Variants in PTPRD observed in about 807,000 individuals in gnomAD.
The protein encoded by PTPRD is receptor-type tyrosine-protein phosphatase delta.
Under a neutral mutation model 214.5 loss-of-function variants are expected in PTPRD, and 34 were observed. The observed-to-expected ratio is 0.16, with a 90% confidence interval of 0.12 to 0.21. The LOEUF (loss-of-function observed/expected upper bound fraction) is 0.21. Ranked by LOEUF, PTPRD falls within the 10% of genes least tolerant of loss-of-function variation. The pLI is 1.00. For synonymous variants in PTPRD, 1,128 were observed against 845.7 expected (o/e 1.33, Z -5.79); for missense variants, 2,545 against 2,398.7 (o/e 1.06, Z -1.27).
intron 3 of PTPRD, among the ~76,000 whole-genome samples, chr9:10,062,844 C>A (rs16930956): frequency 0.039 from 5,989 of 152,024 alleles, 403 homozygotes; most frequent in African/African-American, 0.14. Flanking sequence ...GCCAGCTCAA[C>A]ATACTAATTT....
chr9:9,245,962 C>A lies in PTPRD; in HGVS notation c.-202-62599G>T, dbSNP rs192902822. Among the ~76,000 whole-genome samples the A allele has an allele frequency of 2.0e-3, 308 of 152,112 alleles. 2 individuals are homozygous for A. Among genetic ancestry groups the A allele is most frequent in the Non-Finnish European group, 4.0e-3 (273 of 67,990 alleles). ...GTCCAGTCTGAGATTCCTTATAAAA[C>A]GTTCAAGCAAAGCAAACTTAAAAAG... On this transcript the variant is annotated intron_variant, in intron 9 of 45. Coordinates refer to ENST00000381196, the MANE Select transcript of PTPRD (RefSeq NM_002839.4).
At chr9:8,933,177 C>T (rs926986749) in intron 11 of PTPRD, among the ~76,000 whole-genome samples, 1 of 151,934 alleles carries the variant, frequency 6.6e-6, no homozygotes, top group Non-Finnish European at 1.5e-5. Flanking sequence ...CCTGCTTCTG[C>T]TCGCCCTTCA....
chr9:9,028,341 T>G (rs1229800999), intron 10 of PTPRD, among the ~76,000 whole-genome samples: 1 of 152,016 alleles, frequency 6.6e-6, no homozygotes, highest in African/African-American at 2.4e-5. Flanking sequence ...ACTCCATATA[T>G]AAATTGCAGA....
rs1056392630 is a variant in PTPRD, at chr9:8,600,716, C to G, written c.352+32601G>C. On this transcript the variant is annotated intron_variant, in intron 14 of 45. Coordinates refer to ENST00000381196, the MANE Select transcript of PTPRD (RefSeq NM_002839.4). ...ACCCAGTCCAGGCAGAATCCAGACC[C>G]TACTGACTAAAGAGCCCTTAGTCCC... Among the ~76,000 whole-genome samples, 57 of 151,704 alleles carry G rather than the reference C, an allele frequency of 3.8e-4. 1 individual carries two copies. Among genetic ancestry groups the G allele is most frequent in the Admixed American group, 6.6e-5 (1 of 15,226 alleles).
intron 7 of PTPRD, among the ~76,000 whole-genome samples, chr9:9,661,601 C>T (rs886588872): frequency 1.3e-5 from 2 of 151,718 alleles, no homozygotes; most frequent in African/African-American, 4.8e-5. Flanking sequence ...TTTGTCTTTC[C>T]ATCACTGCAA....
At chr9:9,361,576 A>C (rs147325748) in intron 9 of PTPRD, among the ~76,000 whole-genome samples, 15 of 151,032 alleles carry the variant, frequency 9.9e-5, no homozygotes, top group African/African-American at 3.6e-4. Context: ...ACATGTGATA[A>C]TTTATAAAGA....
chr9:9,728,231 T>C (rs1161659220), intron 7 of PTPRD, among the ~76,000 whole-genome samples: 1 of 152,190 alleles, frequency 6.6e-6, no homozygotes, highest in Non-Finnish European at 1.5e-5. Context: ...TTACCCAGTC[T>C]CTGGTATGTC....
chr9:9,999,795 A>C (rs972482573), intron 4 of PTPRD, among the ~76,000 whole-genome samples: 1 of 152,346 alleles, frequency 6.6e-6, no homozygotes, highest in East Asian at 1.9e-4. Context: ...ACTATCATTA[A>C]GTTTGACGGG....
intron 2 of PTPRD, among the ~76,000 whole-genome samples, chr9:10,476,812 T>C (rs1202449041): frequency 1.3e-5 from 2 of 152,004 alleles, no homozygotes; most frequent in East Asian, 1.9e-4. Flanking sequence ...GGGAACAGAA[T>C]AGAAGTCTCA....
At chr9:8,513,562 T>C (rs544603426) in intron 21 of PTPRD, among the ~76,000 whole-genome samples, 22 of 152,210 alleles carry the variant, frequency 1.4e-4, no homozygotes, top group Admixed American at 1.2e-3. Context: ...AAAATGTACT[T>C]CAATTCCTAC....
At chr9:8,672,824 A>G (rs2097312551) in intron 12 of PTPRD, among the ~76,000 whole-genome samples, 1 of 71,988 alleles carries the variant, frequency 1.4e-5, no homozygotes, top group African/African-American at 5.7e-5. Context: ...ATTTTCCAAC[A>G]TCTTAATTTT....
rs189917193 is a variant in PTPRD at position 8,827,209 on chromosome 9, G to A, written c.-103-93263C>T. On this transcript the variant is annotated intron_variant, in intron 11 of 45. Transcript: ENST00000381196. ...TTAATAGACTAACTAAGCTCACTGA[G>A]GGTAAGGACAACTTCTAATTCATAT... 3.3e-5 allele frequency among the ~76,000 whole-genome samples: 5 copies of A among 152,210 alleles called. No individual in the cohort carries two copies. In the East Asian group the frequency reaches 9.7e-4, roughly 29 times the overall value.
At chr9:9,181,036 A>G (rs758599642) in intron 10 of PTPRD, among the ~76,000 whole-genome samples, 6 of 152,040 alleles carry the variant, frequency 3.9e-5, no homozygotes, top group African/African-American at 7.2e-5. Context: ...AATACCAAAG[A>G]ATTTGAAAGT....
At chr9:9,644,875 C>T (rs2096096388) in intron 7 of PTPRD, among the ~76,000 whole-genome samples, 1 of 152,162 alleles carries the variant, frequency 6.6e-6, no homozygotes, top group African/African-American at 2.4e-5. Context: ...CCCTTTCCAG[C>T]TTCCCATCCC....
chr9:9,420,918 T>C (rs961801643), intron 8 of PTPRD, among the ~76,000 whole-genome samples: 9 of 151,966 alleles, frequency 5.9e-5, no homozygotes, highest in African/African-American at 2.2e-4. Context: ...TTAACAGTGG[T>C]CTTTTTTCTC....
Position 10,125,075 on chromosome 9 carries a change from T to C in PTPRD, c.-544-91285A>G, listed in dbSNP as rs1238637193. ...GTGAAGGTGGTTGTCTGTTAGCCTA[T>C]CTCAAGAAATGTATTTAGGGTCCCA... On this transcript the variant is annotated intron_variant, in intron 3 of 45. Transcript: ENST00000381196. Among the ~76,000 whole-genome samples the C allele has an allele frequency of 2.0e-5, 3 of 152,216 alleles. No homozygotes were observed. The East Asian group carries it at 5.8e-4, about 29-fold the overall frequency.
At chr9:8,669,262 T>C (rs1278144374) in intron 12 of PTPRD, among the ~76,000 whole-genome samples, 1 of 152,084 alleles carries the variant, frequency 6.6e-6, no homozygotes, top group Non-Finnish European at 1.5e-5. Flanking sequence ...CTCAGGAATA[T>C]GGCATCTTAT....
chr9:9,399,742 C>G (rs1017087945), intron 8 of PTPRD, among the ~76,000 whole-genome samples: 1 of 152,002 alleles, frequency 6.6e-6, no homozygotes, highest in Non-Finnish European at 1.5e-5. Context: ...CGCTCCTTTG[C>G]TTGCTACCAT....
In PTPRD at chr9:9,281,009, A is replaced by G. The variant is rs542574059; in HGVS notation, c.-202-97646T>C. Among the ~76,000 whole-genome samples the G allele has an allele frequency of 2.3e-4, 35 of 151,416 alleles. 1 individual carries two copies. The highest frequency in any genetic ancestry group is 3.4e-3 in the Middle Eastern group (1 of 294). Reference sequence around the variant, plus strand: ...AATTTTTGACAAAAAATCAAAGGCAATACAATAGAGAAAAAATAGTCTTAG... The same window carrying G: ...AATTTTTGACAAAAAATCAAAGGCAGTACAATAGAGAAAAAATAGTCTTAG... On this transcript the variant is annotated intron_variant, in intron 9 of 45. Coordinates refer to ENST00000381196, the MANE Select transcript of PTPRD (RefSeq NM_002839.4).
Sources: gnomAD v4.1 joint callset for allele counts (sites outside exome capture counted in the v4.1 genomes callset) on GRCh38, gnomAD v4.1.1 for gene constraint, MANE v1.5 for transcripts, NCBI Gene and HGNC (gene_info 2026-07-23, HGNC 2026-07-21) for gene names.